Variants in GPC5 observed in about 807,000 individuals in gnomAD.
GPC5 encodes glypican-5.
In GPC5, 47 loss-of-function variants were observed where a neutral mutation model predicts 53.9. That is an observed-to-expected ratio of 0.87 (90% confidence interval 0.69 to 1.11). The LOEUF (loss-of-function observed/expected upper bound fraction) is 1.11, where lower values mean the gene tolerates loss of function less well. GPC5 is among the 50% of genes most tolerant of loss of function. The probability of loss-of-function intolerance (pLI) is 0.00; values close to 1 mark genes in which losing one functional copy is unlikely to be tolerated. For missense variants in GPC5, 748 were observed against 713.1 expected, an observed-to-expected ratio of 1.05 and a Z score of -0.56; for synonymous variants, 286 against 263.3, an observed-to-expected ratio of 1.09 and a Z score of -0.84.
chr13:92,214,540 G>A (rs992535655), intron 7 of GPC5, among the ~76,000 whole-genome samples: 14 of 152,096 alleles, frequency 9.2e-5, no homozygotes, highest in South Asian at 6.2e-4. Context: ...TTTAGTCCAT[G>A]ATGTCAACTA....
chr13:91,607,316 T>C (rs1395014901), intron 2 of GPC5, among the ~76,000 whole-genome samples: 1 of 152,156 alleles, frequency 6.6e-6, no homozygotes, highest in Non-Finnish European at 1.5e-5. Context: ...TCGTAAGTCT[T>C]TACGTTCTTA....
At chr13:91,663,484 G>T (rs1594397455) in intron 2 of GPC5, among the ~76,000 whole-genome samples, 1 of 151,996 alleles carries the variant, frequency 6.6e-6, no homozygotes, top group South Asian at 2.1e-4. Flanking sequence ...TAGAGACAGG[G>T]TCTCACTCTC....
At chr13:92,652,341 C>G (rs533399610) in intron 7 of GPC5, among the ~76,000 whole-genome samples, 1 of 152,198 alleles carries the variant, frequency 6.6e-6, no homozygotes, top group African/African-American at 2.4e-5. Flanking sequence ...ATAGGTTTCT[C>G]TCAGGTTAAA....
At chr13:91,472,790 C>T (rs1882706707) in intron 2 of GPC5, among the ~76,000 whole-genome samples, 1 of 152,104 alleles carries the variant, frequency 6.6e-6, no homozygotes, top group South Asian at 2.1e-4. Context: ...TACTTGATCC[C>T]ATCAAAATGA....
At chr13:92,411,019 G>C (rs1245090815) in intron 7 of GPC5, among the ~76,000 whole-genome samples, 2 of 152,176 alleles carry the variant, frequency 1.3e-5, no homozygotes, top group African/African-American at 4.8e-5. Context: ...TGGATCACTT[G>C]AGGTCAGGAG....
chr13:91,954,995 A>G (rs540181989), intron 6 of GPC5, among the ~76,000 whole-genome samples: 8 of 152,324 alleles, frequency 5.3e-5, no homozygotes, highest in African/African-American at 1.9e-4. Context: ...ATGCCATTAA[A>G]ATATCAGATA....
intron 6 of GPC5, among the ~76,000 whole-genome samples, chr13:92,119,123 C>T (rs1319720406): frequency 6.6e-6 from 1 of 152,094 alleles, no homozygotes; most frequent in African/African-American, 2.4e-5. Flanking sequence ...TGGCAGAAGG[C>T]AAATGAGCAA....
chr13:91,481,585 C>A (rs59113573), intron 2 of GPC5, among the ~76,000 whole-genome samples: 1,807 of 152,278 alleles, frequency 0.012, 45 homozygotes, highest in African/African-American at 0.042. Flanking sequence ...AAATTCCTGG[C>A]GATGTGAACA....
intron 2 of GPC5, among the ~76,000 whole-genome samples, chr13:91,503,789 T>TAAC (rs1884784449): frequency 7.0e-6 from 1 of 142,762 alleles, no homozygotes; most frequent in Non-Finnish European, 1.5e-5. Flanking sequence ...AAAATAATAA[T>TAAC]AATAATAATA....
At chr13:92,393,684 G>C (rs1168005007) in intron 7 of GPC5, among the ~76,000 whole-genome samples, 1 of 152,042 alleles carries the variant, frequency 6.6e-6, no homozygotes, top group East Asian at 1.9e-4. Flanking sequence ...CACAAAGAAG[G>C]AAACAACAGA....
intron 7 of GPC5, among the ~76,000 whole-genome samples, chr13:92,276,226 A>G (rs2042874596): frequency 6.6e-6 from 1 of 152,160 alleles, no homozygotes; most frequent in African/African-American, 2.4e-5. Context: ...ACTGTCACAC[A>G]AATCACTGGC....
At chr13:91,582,827 A>G (rs1056746532) in intron 2 of GPC5, among the ~76,000 whole-genome samples, 2 of 152,144 alleles carry the variant, frequency 1.3e-5, no homozygotes, top group Non-Finnish European at 2.9e-5. Context: ...AGTCTGGCCA[A>G]CAAGGTGATA....
intron 5 of GPC5, among the ~76,000 whole-genome samples, chr13:91,822,316 T>C (rs992331765): frequency 6.6e-6 from 1 of 152,186 alleles, no homozygotes; most frequent in African/African-American, 2.4e-5. Flanking sequence ...CCATGGACAC[T>C]CTTTGCTCTT....
chr13:92,706,632 A>G (rs1023148647), intron 7 of GPC5, among the ~76,000 whole-genome samples: 2 of 152,114 alleles, frequency 1.3e-5, no homozygotes, highest in Non-Finnish European at 2.9e-5. Flanking sequence ...TCTAGTCAAG[A>G]GAGTTGAAAT....
intron 7 of GPC5, among the ~76,000 whole-genome samples, chr13:92,494,549 G>A (rs958446913): frequency 6.6e-6 from 1 of 152,028 alleles, no homozygotes; most frequent in African/African-American, 2.4e-5. Context: ...TATTCTAAGT[G>A]TTTATTTTGA....
intron 6 of GPC5, among the ~76,000 whole-genome samples, chr13:91,953,628 T>C (rs1031404619): frequency 1.3e-5 from 2 of 152,196 alleles, no homozygotes; most frequent in African/African-American, 4.8e-5. Flanking sequence ...ATACAATAGA[T>C]TGGTTAGCTT....
chr13:92,572,075 T>A (rs1883042941), intron 7 of GPC5, among the ~76,000 whole-genome samples: 1 of 152,166 alleles, frequency 6.6e-6, no homozygotes, highest in Non-Finnish European at 1.5e-5. Context: ...ATGTGAAATC[T>A]TAGGCTATAA....
intron 7 of GPC5, among the ~76,000 whole-genome samples, chr13:92,600,464 T>G (rs1485174137): frequency 1.3e-5 from 2 of 149,538 alleles, no homozygotes; most frequent in African/African-American, 2.5e-5. Context: ...TTCCCATGTG[T>G]TTTTTTTTCT....
chr13:92,850,089 C>T (rs1057067450), intron 7 of GPC5, among the ~76,000 whole-genome samples: 1 of 152,188 alleles, frequency 6.6e-6, no homozygotes, highest in African/African-American at 2.4e-5. Flanking sequence ...TTCCCTCCTA[C>T]AATCCCACTA....
Sources: gnomAD v4.1 joint callset for allele counts (sites outside exome capture counted in the v4.1 genomes callset) on GRCh38, gnomAD v4.1.1 for gene constraint, MANE v1.5 for transcripts, NCBI Gene and HGNC (gene_info 2026-07-23, HGNC 2026-07-21) for gene names.